Variants in NDUFS4 observed in about 807,000 individuals in gnomAD.
NDUFS4 encodes NADH:ubiquinone oxidoreductase subunit S4.
A neutral mutation model predicts 24.3 loss-of-function variants in NDUFS4; 28 were observed. The observed-to-expected ratio is 1.15, with a 90% CI of 0.85 to 1.58. NDUFS4 has a LOEUF of 1.58. Among genes scored for constraint, NDUFS4 ranks in the 40% most tolerant of loss-of-function variants. The pLI, the probability that NDUFS4 is intolerant of heterozygous loss-of-function variation, is 0.00. For synonymous variants in NDUFS4, 93 were observed against 69.7 expected (o/e 1.34, Z -1.67); for missense variants, 223 against 207.9 (o/e 1.07, Z -0.45).
intron 2 of NDUFS4, among the ~76,000 whole-genome samples, chr5:53,637,520 C>T (rs1751592945): frequency 6.6e-6 from 1 of 152,038 alleles, no homozygotes; most frequent in Non-Finnish European, 1.5e-5. Flanking sequence ...CTTATAGTTC[C>T]TGGATTCTAG....
At position 53,569,881 on chromosome 5, in the gene NDUFS4, G is replaced by A. The variant is rs1021905461; in HGVS notation, c.98+9121G>A. ...TTGTCAGTGTTGATCTTTGAACTAT[G>A]TACTGTACTTTTATTTAAATGAGAT... is the stretch of plus-strand genomic sequence containing the variant. On this transcript the variant is annotated intron_variant, in intron 1 of 4. Transcript: ENST00000296684. Among the ~76,000 whole-genome samples the A allele has an allele frequency of 2.0e-5, 3 of 151,986 alleles. No individual in the cohort carries two copies. In the East Asian group the frequency reaches 5.8e-4, roughly 29 times the overall value.
intron 2 of NDUFS4, among the ~76,000 whole-genome samples, chr5:53,614,094 A>C (rs1312892131): frequency 2.0e-5 from 3 of 151,886 alleles, no homozygotes; most frequent in Non-Finnish European, 4.4e-5. Context: ...AAGTTTATCA[A>C]AACAGTTAAT....
At chr5:53,578,422 A>C (rs778759088) in intron 1 of NDUFS4, among the ~76,000 whole-genome samples, 1 of 152,140 alleles carries the variant, frequency 6.6e-6, no homozygotes, top group Non-Finnish European at 1.5e-5. Context: ...CTGTTGGCTC[A>C]CGATATTAGC....
intron 2 of NDUFS4, among the ~76,000 whole-genome samples, chr5:53,622,339 G>C: frequency 6.6e-6 from 1 of 152,122 alleles, no homozygotes; most frequent in Non-Finnish European, 1.5e-5. Context: ...TTTAGTTTCT[G>C]ACAGTTTTGA....
At chr5:53,594,876 G>GTGTGTGTGTA (rs1256252455) in intron 1 of NDUFS4, among the ~76,000 whole-genome samples, 1 of 150,552 alleles carries the variant, frequency 6.6e-6, no homozygotes, top group African/African-American at 2.4e-5. Flanking sequence ...CTGTGTTTGT[G>GTGTGTGTGTA]TGTGTGTGTG....
intron 2 of NDUFS4, among the ~76,000 whole-genome samples, chr5:53,620,662 C>A (rs73117563): frequency 6.6e-6 from 1 of 152,122 alleles, no homozygotes; most frequent in Non-Finnish European, 1.5e-5. Context: ...CCTATTCTTA[C>A]ATTCAGTCTA....
chr5:53,619,312 A>G (rs1477305739), intron 2 of NDUFS4, among the ~76,000 whole-genome samples: 1 of 149,602 alleles, frequency 6.7e-6, no homozygotes. Flanking sequence ...AATTTAAAAA[A>G]AAAAAAAAAA....
intron 2 of NDUFS4, among the ~76,000 whole-genome samples, chr5:53,619,356 G>C (rs7729894): frequency 0.16 from 23,386 of 147,176 alleles, 1,876 homozygotes; most frequent in Middle Eastern, 0.19. Flanking sequence ...TGCTTGTGGT[G>C]GCGGGTGCTT....
intron 4 of NDUFS4, among the ~76,000 whole-genome samples, chr5:53,664,235 C>G (rs1752439679): frequency 6.6e-6 from 1 of 152,144 alleles, no homozygotes; most frequent in South Asian, 2.1e-4. Context: ...TGTGGGTAAC[C>G]CGACCTTTCT....
chr5:53,657,674 C>T (rs548741560), intron 3 of NDUFS4, among the ~76,000 whole-genome samples: 4 of 152,112 alleles, frequency 2.6e-5, no homozygotes, highest in Admixed American at 1.3e-4. Flanking sequence ...CCTGTAATAC[C>T]AGCACTTTGG....
chr5:53,618,414 T>C (rs1317934985), intron 2 of NDUFS4, among the ~76,000 whole-genome samples: 1 of 152,170 alleles, frequency 6.6e-6, no homozygotes, highest in African/African-American at 2.4e-5. Context: ...CAGTTTTGAA[T>C]TATTATGGAG....
chr5:53,577,474 A>G (rs1017354771), intron 1 of NDUFS4, among the ~76,000 whole-genome samples: 1 of 77,608 alleles, frequency 1.3e-5, no homozygotes, highest in Non-Finnish European at 2.5e-5. Context: ...GAGTCTCTAT[A>G]GTCTGCTATT....
At chr5:53,610,815 T>C (rs1190077036) in intron 2 of NDUFS4, among the ~76,000 whole-genome samples, 1 of 152,184 alleles carries the variant, frequency 6.6e-6, no homozygotes, top group Non-Finnish European at 1.5e-5. Context: ...TCTTTTAAAA[T>C]GTTTTTGCCA....
At chr5:53,655,525 T>G (rs888165845) in intron 3 of NDUFS4, among the ~76,000 whole-genome samples, 10 of 152,136 alleles carry the variant, frequency 6.6e-5, no homozygotes, top group Admixed American at 3.3e-4. Context: ...AATACAGTAC[T>G]AAAATGAAGA....
chr5:53,649,640 A>G (rs894176370), intron 3 of NDUFS4, among the ~76,000 whole-genome samples: 2 of 152,056 alleles, frequency 1.3e-5, no homozygotes, highest in African/African-American at 4.8e-5. Flanking sequence ...TGACTTTGCT[A>G]TTGTGAATGG....
At chr5:53,664,970 TG>T (rs1752470211) in intron 4 of NDUFS4, among the ~76,000 whole-genome samples, 1 of 152,212 alleles carries the variant, frequency 6.6e-6, no homozygotes, top group African/African-American at 2.4e-5. Context: ...TATCTACCTT[TG>T]GTCTTTGATG....
rs147472611 is a variant in NDUFS4 at position 53,608,513 on chromosome 5, C to CT, written c.177+4984dup. Among the ~76,000 whole-genome samples the CT allele has an allele frequency of 4.4e-3, 675 of 152,344 alleles. 5 individuals carry two copies. The highest frequency in any genetic ancestry group is 0.016 in the African/African-American group (650 of 41,580). On this transcript the variant is annotated intron_variant, in intron 2 of 4. Coordinates refer to ENST00000296684, the MANE Select transcript of NDUFS4 (RefSeq NM_002495.4). ...TTAAACCCCACTGCTGCTTTATCAA[C>CT]TAAGTTTATGGAATAATCTAAATCC...
At chr5:53,656,589 A>G (rs977133298) in intron 3 of NDUFS4, among the ~76,000 whole-genome samples, 8 of 152,204 alleles carry the variant, frequency 5.3e-5, no homozygotes, top group Non-Finnish European at 7.4e-5. Flanking sequence ...TATAAAAACA[A>G]TTAGCAACCT....
At chr5:53,626,995 C>G (rs922077697) in intron 2 of NDUFS4, among the ~76,000 whole-genome samples, 4 of 148,802 alleles carry the variant, frequency 2.7e-5, no homozygotes, top group African/African-American at 7.4e-5. Context: ...AGGTTTTCTT[C>G]TAGGGTTTTT....
Sources: allele counts gnomAD v4.1 joint callset (sites outside exome capture counted in the v4.1 genomes callset), GRCh38; gene constraint gnomAD v4.1.1; transcripts MANE v1.5; gene names NCBI Gene and HGNC (gene_info 2026-07-23, HGNC 2026-07-21).